The following TGFBR3 variants were observed in gnomAD, a reference collection of about 807,000 sequenced individuals.
TGFBR3 encodes the protein transforming growth factor beta receptor type 3.
Under a neutral mutation model 87.9 loss-of-function variants are expected in TGFBR3, and 46 were observed. The observed-to-expected ratio is 0.52, with a 90% CI of 0.41 to 0.67. The LOEUF is 0.67. Among genes scored for constraint, TGFBR3 ranks in the 30% least tolerant of loss-of-function variants. TGFBR3 has a pLI of 0.00. For missense variants in TGFBR3, 866 were observed against 1,041.9 expected (o/e 0.83, Z 2.32); for synonymous variants, 381 against 391.6 (o/e 0.97, Z 0.32).
intron 4 of TGFBR3, among the ~76,000 whole-genome samples, chr1:91,747,674 C>T (rs1408647683): frequency 6.6e-6 from 1 of 152,136 alleles, no homozygotes; most frequent in Non-Finnish European, 1.5e-5. Flanking sequence ...CTCATCTACA[C>T]GTTACTGTGA....
intron 2 of TGFBR3, among the ~76,000 whole-genome samples, chr1:91,829,392 AAAC>A (rs1241823380): frequency 3.1e-5 from 4 of 130,812 alleles, no homozygotes; most frequent in African/African-American, 8.2e-5. Flanking sequence ...AAAAACAAAC[AAAC>A]AAAAAAAAAA....
At chr1:91,835,217 G>T (rs1677013452) in intron 2 of TGFBR3, among the ~76,000 whole-genome samples, 1 of 152,176 alleles carries the variant, frequency 6.6e-6, no homozygotes, top group Non-Finnish European at 1.5e-5. Context: ...AAAGTCCTCT[G>T]AGCTCCCTCA....
intron 2 of TGFBR3, among the ~76,000 whole-genome samples, chr1:91,800,730 C>G (rs1227615972): frequency 6.6e-6 from 1 of 151,858 alleles, no homozygotes; most frequent in East Asian, 1.9e-4. Context: ...AATTATCTAC[C>G]ACCATCCCCA....
At chr1:91,789,125 G>A (rs934027114) in intron 3 of TGFBR3, among the ~76,000 whole-genome samples, 5 of 152,140 alleles carry the variant, frequency 3.3e-5, no homozygotes, top group Admixed American at 6.5e-5. Flanking sequence ...GTGAAACCCC[G>A]TCTCTACTAA....
chr1:91,839,785 T>A (rs901036323), intron 2 of TGFBR3, among the ~76,000 whole-genome samples: 1 of 152,176 alleles, frequency 6.6e-6, no homozygotes, highest in East Asian at 1.9e-4. Flanking sequence ...TGGGTTGGAT[T>A]CTGGACCAGA....
chr1:91,734,659 C>T (rs1468175335), intron 5 of TGFBR3, 117 bp downstream of exon 5: 3 of 1,306,552 alleles, frequency 2.3e-6, no homozygotes, highest in Admixed American at 1.7e-5. Context: ...CCCTCAGGTC[C>T]CTTCCAGGTC....
chr1:91,822,846 A>G (rs1676501838), intron 2 of TGFBR3, among the ~76,000 whole-genome samples: 2 of 152,116 alleles, frequency 1.3e-5, no homozygotes, highest in South Asian at 4.1e-4. Flanking sequence ...GGACTGCTTG[A>G]GCCCAGGAGC....
rs147967534 is a variant in TGFBR3 at position 91,741,501 on chromosome 1, A to G, written c.385-6542T>C. Among the ~76,000 whole-genome samples, 47 of 152,132 alleles carry G rather than the reference A, an allele frequency of 3.1e-4. No individual in the cohort carries two copies. In the East Asian group the frequency reaches 9.1e-3, roughly 30 times the overall value. The stretch of plus-strand genomic sequence containing the variant: ...TTCCACAGGCATGACTGATAAAACC[A>G]TTGGTCATGTATGATTAAGTCAATC... On this transcript the variant is annotated intron_variant, in intron 4 of 16. Coordinates refer to ENST00000212355, the MANE Select transcript of TGFBR3 (RefSeq NM_003243.5).
chr1:91,686,947 GA>G (rs1671108281), intron 16 of TGFBR3, among the ~76,000 whole-genome samples: 1 of 152,210 alleles, frequency 6.6e-6, no homozygotes, highest in African/African-American at 2.4e-5. Context: ...GCCAGCAGAG[GA>G]AATGTACTCA....
intron 2 of TGFBR3, among the ~76,000 whole-genome samples, chr1:91,808,785 A>G (rs923529099): frequency 1.3e-5 from 2 of 152,130 alleles, no homozygotes; most frequent in Admixed American, 6.5e-5. Flanking sequence ...TTGACCAATA[A>G]TATGGTGCAC....
intron 3 of TGFBR3, among the ~76,000 whole-genome samples, chr1:91,782,343 T>G (rs1674803348): frequency 6.6e-6 from 1 of 152,202 alleles, no homozygotes; most frequent in South Asian, 2.1e-4. Flanking sequence ...CAGTTGCCTT[T>G]GATTTTGGAA....
intron 3 of TGFBR3, among the ~76,000 whole-genome samples, chr1:91,776,422 A>G (rs888205607): frequency 8.5e-5 from 13 of 152,142 alleles, no homozygotes; most frequent in African/African-American, 3.1e-4. Context: ...GTGCATGTCA[A>G]CTCCATCTAT....
intron 2 of TGFBR3, among the ~76,000 whole-genome samples, chr1:91,828,950 TC>T (rs1676747373): frequency 6.6e-6 from 1 of 151,584 alleles, no homozygotes; most frequent in African/African-American, 2.4e-5. Flanking sequence ...CGTGAAGGAG[TC>T]CCTCTTTTTC....
chr1:91,774,681 C>T (rs284201), intron 3 of TGFBR3, among the ~76,000 whole-genome samples: 43,283 of 152,056 alleles, frequency 0.28, 6,417 homozygotes, highest in South Asian at 0.37. Context: ...TCGGTCATCA[C>T]AATCGACTCA....
upstream of TGFBR3, among the ~76,000 whole-genome samples, chr1:91,890,696 G>A (rs1264939829): frequency 2.0e-5 from 3 of 151,998 alleles, no homozygotes; most frequent in African/African-American, 7.2e-5. Flanking sequence ...GGGATTACAG[G>A]CATGAGCTAC....
At chr1:91,792,888 T>A (rs1282016326) in intron 3 of TGFBR3, among the ~76,000 whole-genome samples, 1 of 152,244 alleles carries the variant, frequency 6.6e-6, no homozygotes, top group Non-Finnish European at 1.5e-5. Context: ...TGCCAGAAAG[T>A]CATTTTCCAG....
intron 3 of TGFBR3, among the ~76,000 whole-genome samples, chr1:91,777,398 A>G (rs1218522707): frequency 2.6e-5 from 4 of 152,162 alleles, no homozygotes; most frequent in Non-Finnish European, 5.9e-5. Flanking sequence ...AACATATTTC[A>G]TACTCAACTC....
intron 16 of TGFBR3, among the ~76,000 whole-genome samples, chr1:91,684,688 T>A (rs114083331): frequency 1.3e-5 from 2 of 152,166 alleles, no homozygotes; most frequent in Non-Finnish European, 1.5e-5. Context: ...CATTTAACAG[T>A]GCAAAAGGCC....
chr1:91,855,901 TTCTC>T (rs201538963), intron 2 of TGFBR3, among the ~76,000 whole-genome samples: 9 of 151,830 alleles, frequency 5.9e-5, no homozygotes, highest in Non-Finnish European at 8.8e-5. Context: ...CTTGTATTTA[TTCTC>T]TCTCTTTTTT....
Sources: gnomAD v4.1 joint callset for allele counts (sites outside exome capture counted in the v4.1 genomes callset) on GRCh38, gnomAD v4.1.1 for gene constraint, MANE v1.5 for transcripts, NCBI Gene and HGNC (gene_info 2026-07-23, HGNC 2026-07-21) for gene names.